The following HP1BP3 variants were observed in gnomAD, a reference collection of about 807,000 sequenced individuals.
The protein encoded by HP1BP3 is heterochromatin protein 1-binding protein 3.
In HP1BP3, 12 loss-of-function variants were observed where a neutral mutation model predicts 62.5. The ratio of observed to expected loss-of-function variants is 0.19; its 90% CI spans 0.12 to 0.31. The LOEUF (loss-of-function observed/expected upper bound fraction) is 0.31. Ranked by LOEUF, HP1BP3 falls within the 10% of genes least tolerant of loss-of-function variation. The pLI is 1.00. For synonymous variants in HP1BP3, 260 were observed against 237.8 expected, an observed-to-expected ratio of 1.09 and a Z score of -0.86; for missense variants, 502 against 651.8, an observed-to-expected ratio of 0.77 and a Z score of 2.50.
intron 1 of HP1BP3, among the ~76,000 whole-genome samples, chr1:20,785,755 GC>G (rs1393376951): frequency 3.3e-5 from 5 of 152,116 alleles, no homozygotes; most frequent in African/African-American, 1.2e-4. Flanking sequence ...TAAAAACAAA[GC>G]CAAAACCAAC....
At position 20,740,602 on chromosome 1, in the gene HP1BP3, C is replaced by T. The variant is rs541464; in HGVS notation, c.*4195G>A. Among the ~76,000 whole-genome samples, 97,763 of 152,112 alleles carry T rather than the reference C, an allele frequency of 0.64. 31,852 individuals carry two copies. Among genetic ancestry groups the T allele is most frequent in the East Asian group, 0.88 (4,568 of 5,162 alleles). Reference sequence around the variant, plus strand: ...TTGGAAAGCCCAGGTGGGAAGATCACGTGAGGCCACGAGTTCAAGACCAGC... The same window carrying T: ...TTGGAAAGCCCAGGTGGGAAGATCATGTGAGGCCACGAGTTCAAGACCAGC... On this transcript the variant is annotated 3_prime_UTR_variant, in exon 13 of 13. Coordinates refer to ENST00000438032, the MANE Select transcript of HP1BP3 (RefSeq NM_001372052.1).
In HP1BP3 at chr1:20,780,556, G is replaced by A; in HGVS notation, c.-100-16C>T. 1.4e-6 allele frequency: 1 copy of A among 699,114 alleles called. No homozygotes were observed. The highest frequency in any genetic ancestry group is 2.6e-6 in the Non-Finnish European group (1 of 389,734). The allele number at this position is 699,114 out of a possible 1,614,324, so 43.3% of individuals were successfully genotyped here. A position where few individuals can be genotyped will look rare whatever the true frequency, so the allele number is the denominator to read the frequency against. ...AAGAATCAACCTAAAGCACAGAAAA[G>A]ACCTGGTGTGAAGATTAACAGAAAC... On this transcript the variant is annotated splice_polypyrimidine_tract_variant and intron_variant, in intron 1 of 12. Transcript: ENST00000438032.
Position 20,779,793 on chromosome 1 carries a change from T to C in HP1BP3, c.196+19A>G. 1 of 1,546,848 alleles carries C rather than the reference T, an allele frequency of 6.5e-7. No individual in the cohort carries two copies. The highest frequency in any genetic ancestry group is 8.9e-7 in the Non-Finnish European group (1 of 1,123,430). Reference sequence around the variant, plus strand: ...GTATAACTTTTGATGTTTTAAGCTGTGTCACCATTTTACTTTACCTGGCTT... The same window carrying C: ...GTATAACTTTTGATGTTTTAAGCTGCGTCACCATTTTACTTTACCTGGCTT... On this transcript the variant is annotated intron_variant, in intron 3 of 12. Coordinates refer to ENST00000438032, the MANE Select transcript of HP1BP3 (RefSeq NM_001372052.1).
chr1:20,754,250 T>C (rs2055957063), intron 9 of HP1BP3, among the ~76,000 whole-genome samples: 1 of 152,134 alleles, frequency 6.6e-6, no homozygotes. Context: ...ACTTCCACCA[T>C]TCAAGACAGC....
intron 1 of HP1BP3, among the ~76,000 whole-genome samples, chr1:20,782,164 G>A (rs1231187029): frequency 6.6e-6 from 1 of 152,178 alleles, no homozygotes; most frequent in Non-Finnish European, 1.5e-5. Flanking sequence ...CCCATTTGGT[G>A]TAGTAGCTCA....
Position 20,745,633 on chromosome 1 carries a change from T to C in HP1BP3, c.1277A>G (p.Lys426Arg), listed in dbSNP as rs751964501. The C allele has an allele frequency of 2.2e-5, 35 of 1,613,946 alleles. No individual in the cohort carries two copies. Among genetic ancestry groups the C allele is most frequent in the Non-Finnish European group, 3.0e-5 (35 of 1,179,958 alleles). ...CTCATCTCTAGAATCATCTGGCTCT[T>C]TCTTCGGAAACAGAACTCCTGGGCT... ...YPSPGVLFPK[K>R]EPDDSRDEDE... The change falls in exon 12 of 13, where the codon AAA (lysine) becomes AGA (arginine). Residue 426 changes from lysine (K) to arginine (R), a missense_variant. Physicochemically the swap from Lys to Arg is conservative, Grantham distance 26 (BLOSUM62 2). Coordinates refer to ENST00000438032, the MANE Select transcript of HP1BP3 (RefSeq NM_001372052.1).
intron 4 of HP1BP3, chr1:20,776,023 AAAAAAT>A: frequency 6.7e-7 from 1 of 1,496,940 alleles, no homozygotes; most frequent in Non-Finnish European, 8.9e-7. Context: ...AAAAAAAAAA[AAAAAAT>A]TAAAAATTAA....
At chr1:20,765,150 CAAG>C (rs1332831425) in intron 8 of HP1BP3, among the ~76,000 whole-genome samples, 1 of 52,062 alleles carries the variant, frequency 1.9e-5, no homozygotes, top group Non-Finnish European at 3.8e-5. Context: ...GCCTGGGTGA[CAAG>C]AACAAATCTG....
intron 8 of HP1BP3, among the ~76,000 whole-genome samples, chr1:20,759,880 AT>A (rs71014104): frequency 0.3 from 33,465 of 112,452 alleles, 3,462 homozygotes; most frequent in Middle Eastern, 0.44. Context: ...TTAAAGACCG[AT>A]TTTTTTTTTT....
chr1:20,767,442 ATTAT>A, intron 7 of HP1BP3, 138 bp downstream of exon 7: 2 of 710,610 alleles, frequency 2.8e-6, no homozygotes, highest in Non-Finnish European at 5.0e-6. Context: ...AGAGGAACAA[ATTAT>A]TTATAACTTC....
intron 9 of HP1BP3, among the ~76,000 whole-genome samples, chr1:20,751,102 C>A (rs1165072556): frequency 6.6e-6 from 1 of 152,018 alleles, no homozygotes; most frequent in Non-Finnish European, 1.5e-5. Flanking sequence ...TAGGTGTGAC[C>A]CACTGTGGCC....
intron 7 of HP1BP3, 86 bp from the exon 8 acceptor site, chr1:20,765,617 C>A: frequency 9.6e-7 from 1 of 1,044,032 alleles, no homozygotes; most frequent in Non-Finnish European, 1.4e-6. Context: ...AGTTGATTAC[C>A]AAATTTGTCA....
In HP1BP3 at chr1:20,742,055, G is replaced by A. The variant is rs1032476078; in HGVS notation, c.*2742C>T. On this transcript the variant is annotated 3_prime_UTR_variant, in exon 13 of 13. Transcript: ENST00000438032. ...AAACTGTCCTTATAGTTAACAGAACGTTAGAGTTGGAAGAAACTTTAAATG... is the reference window on the plus strand; with the variant it reads ...AAACTGTCCTTATAGTTAACAGAACATTAGAGTTGGAAGAAACTTTAAATG... Among the ~76,000 whole-genome samples, 2 of 152,172 alleles carry A rather than the reference G, an allele frequency of 1.3e-5. No individual in the cohort carries two copies. Among genetic ancestry groups the A allele is most frequent in the Non-Finnish European group, 2.9e-5 (2 of 68,046 alleles).
Position 20,770,924 on chromosome 1 carries a change from T to A in HP1BP3, c.654+6A>T, listed in dbSNP as rs748407592. On this transcript the variant is annotated splice_donor_region_variant and intron_variant, in intron 6 of 12. Transcript: ENST00000438032. ...AATGATCTTACTACTAACAATTGTG[T>A]AATACCTGTTTGATGACTCCTCTAT... is the stretch of plus-strand genomic sequence containing the variant. 13 of 1,592,612 alleles carry A rather than the reference T, an allele frequency of 8.2e-6. No individual in the cohort carries two copies. The highest frequency in any genetic ancestry group is 1.1e-5 in the Non-Finnish European group (13 of 1,171,128).
Position 20,780,427 on chromosome 1 carries a change from G to GT in HP1BP3, c.13dup (p.Thr5AsnfsTer5), listed in dbSNP as rs1557675666. 5.0e-6 allele frequency: 8 copies of GT among 1,612,064 alleles called. No homozygotes were observed. In the East Asian group the frequency reaches 1.1e-4, roughly 22 times the overall value. ...AGGATGGACGAGTTCACCTTGAGAC[G>GT]TATCAGTCGCCATTTTAAATAATTT... On this transcript the variant is annotated frameshift_variant, in exon 2 of 13. Transcript: ENST00000438032. LOFTEE classifies it high-confidence loss of function.
intron 1 of HP1BP3, among the ~76,000 whole-genome samples, chr1:20,783,372 A>C (rs1442684348): frequency 6.6e-6 from 1 of 152,070 alleles, no homozygotes; most frequent in Non-Finnish European, 1.5e-5. Context: ...CACAAAAGTT[A>C]GCCAGGCGCT....
At chr1:20,769,225 G>A (rs2056937677) in intron 6 of HP1BP3, among the ~76,000 whole-genome samples, 1 of 152,108 alleles carries the variant, frequency 6.6e-6, no homozygotes, top group Non-Finnish European at 1.5e-5. Flanking sequence ...CATGAGTTGG[G>A]ACTAGAGGCA....
chr1:20,785,278 T>G (rs917460333), intron 1 of HP1BP3, among the ~76,000 whole-genome samples: 8 of 152,340 alleles, frequency 5.3e-5, no homozygotes, highest in African/African-American at 1.9e-4. Context: ...AATTTCAGTT[T>G]TAATTTATTT....
At chr1:20,777,783 T>G (rs916129444) in intron 3 of HP1BP3, among the ~76,000 whole-genome samples, 1 of 152,226 alleles carries the variant, frequency 6.6e-6, no homozygotes, top group Non-Finnish European at 1.5e-5. Flanking sequence ...AAATGCCACT[T>G]CTTTCTTAAA....
Sources: allele counts gnomAD v4.1 joint callset (sites outside exome capture counted in the v4.1 genomes callset), GRCh38; gene constraint gnomAD v4.1.1; transcripts MANE v1.5; gene names NCBI Gene and HGNC (gene_info 2026-07-23, HGNC 2026-07-21).